HDAC5: variants seen among roughly 807,000 people sequenced by gnomAD.
The protein encoded by HDAC5 is antigen NY-CO-9.
In HDAC5, 25 loss-of-function variants were observed where a neutral mutation model predicts 133.3. The observed-to-expected ratio is 0.19, with a 90% CI of 0.14 to 0.26. HDAC5 has a LOEUF of 0.26. Ranked by LOEUF, HDAC5 falls within the 10% of genes least tolerant of loss-of-function variation. The pLI is 1.00. For missense variants in HDAC5, 1,041 were observed against 1,460.5 expected (o/e 0.71, Z 4.68); for synonymous variants, 589 against 610.8 (o/e 0.96, Z 0.53).
chr17:44,092,809 GGGGT>G lies in HDAC5; in HGVS notation c.642-7_642-4del. On this transcript the variant is annotated splice_region_variant and splice_polypyrimidine_tract_variant and intron_variant, in intron 6 of 26. Transcript: ENST00000682912. ...CCAAAGAAGCATGGTGGGCTCCCCT[GGGGT>G]GGGGGGGGGGTGGGGATGGAAGCAG... 2 of 932,072 alleles carry G rather than the reference GGGGT, an allele frequency of 2.1e-6. No individual in the cohort carries two copies. The highest frequency in any genetic ancestry group is 3.0e-6 in the Non-Finnish European group (2 of 666,940). The allele number at this position is 932,072 out of a possible 1,614,324, so 57.7% of individuals were successfully genotyped here.
At position 44,084,804 on chromosome 17, in the gene HDAC5, C is replaced by G. The variant is rs540489230; in HGVS notation, c.2185-129G>C. 448 of 1,349,704 alleles carry G rather than the reference C, an allele frequency of 3.3e-4. 3 individuals are homozygous for G. In the South Asian group the frequency reaches 5.8e-3, roughly 17 times the overall value. 83.6% of individuals were successfully genotyped at this position (1,349,704 alleles called of 1,614,324 possible). A position where few individuals can be genotyped will look rare whatever the true frequency, so the allele number is the denominator to read the frequency against. On this transcript the variant is annotated intron_variant, in intron 15 of 26. Coordinates refer to ENST00000682912, the MANE Select transcript of HDAC5 (RefSeq NM_005474.5). Reference sequence around the variant, plus strand: ...ATCCAAATATTTTCAGAAAGTAGATCCTGGCTCTGTCATGACCTTACTCCC... The same window carrying G: ...ATCCAAATATTTTCAGAAAGTAGATGCTGGCTCTGTCATGACCTTACTCCC...
chr17:44,082,617 A>T lies in HDAC5; in HGVS notation c.2575T>A (p.Leu859Met), dbSNP rs371154124. The change falls in exon 20 of 27, where the codon TTG (leucine) becomes ATG (methionine). Residue 859 changes from leucine to methionine, a missense_variant. This residue lies in a region of HDAC5 where 174 missense variants were observed against 352.7 expected (regional missense o/e 0.49). Transcript: ENST00000682912. Reference protein sequence around the residue: ...AITAKLLQQKLNVGKVLIVDW... With the variant: ...AITAKLLQQKMNVGKVLIVDW... Reference sequence around the variant, plus strand: ...ACGATGAGGACCTTGCCCACGTTCAACTTCTGCTGTAGGAGTTTTGCGGTG... The same window carrying T: ...ACGATGAGGACCTTGCCCACGTTCATCTTCTGCTGTAGGAGTTTTGCGGTG... 168 of 1,614,022 alleles carry T rather than the reference A, an allele frequency of 1.0e-4. No individual in the cohort carries two copies. Among genetic ancestry groups the T allele is most frequent in the Non-Finnish European group, 1.4e-4 (162 of 1,180,014 alleles).
intron 2 of HDAC5, among the ~76,000 whole-genome samples, chr17:44,115,459 G>C (rs1175077616): frequency 6.6e-6 from 1 of 152,208 alleles, no homozygotes; most frequent in Non-Finnish European, 1.5e-5. Flanking sequence ...GAGTTCCAAG[G>C]CATGTGGTTT....
chr17:44,082,567 C>T lies in HDAC5; in HGVS notation c.2607+18G>A. 6.2e-7 allele frequency: 1 copy of T among 1,604,268 alleles called. No homozygotes were observed. Among genetic ancestry groups the T allele is most frequent in the Non-Finnish European group, 8.5e-7 (1 of 1,171,118 alleles). On this transcript the variant is annotated intron_variant, in intron 20 of 26. Coordinates refer to ENST00000682912, the MANE Select transcript of HDAC5 (RefSeq NM_005474.5). Reference sequence around the variant, plus strand: ...AGCTCTACCCGCCCCTGCCCAGCCCCACCAGCTCACTGCCTACCCAGTCCA... The same window carrying T: ...AGCTCTACCCGCCCCTGCCCAGCCCTACCAGCTCACTGCCTACCCAGTCCA...
chr17:44,097,920 G>A (rs1047840617), intron 3 of HDAC5, among the ~76,000 whole-genome samples: 20 of 152,268 alleles, frequency 1.3e-4, no homozygotes, highest in African/African-American at 2.9e-4. Flanking sequence ...TGTTAGGCCC[G>A]GAGCTGCAGC....
At chr17:44,094,338 A>C (rs1019675750) in intron 3 of HDAC5, among the ~76,000 whole-genome samples, 7 of 150,896 alleles carry the variant, frequency 4.6e-5, no homozygotes, top group African/African-American at 1.7e-4. Context: ...AAAAAAAAAC[A>C]AAAAACAAAA....
In HDAC5 at chr17:44,079,200, A is replaced by G; in HGVS notation, c.3022T>C (p.Leu1008=). 6.2e-7 allele frequency: 1 copy of G among 1,613,132 alleles called. No individual in the cohort carries two copies. ...TCAGAGGCATCACAGATGGCGGTCA[A>G]GTCATGGCCTCCCTCCAGGGCCAGC... The part of the protein sequence containing the change: ...VVLALEGGHD[L]TAICDASEAC... The change falls in exon 24 of 27, where the codon TTG becomes CTG. Residue 1008 remains leucine, a synonymous_variant. Coordinates refer to ENST00000682912, the MANE Select transcript of HDAC5 (RefSeq NM_005474.5).
At chr17:44,095,817 G>A (rs1597979877) in intron 3 of HDAC5, among the ~76,000 whole-genome samples, 1 of 152,090 alleles carries the variant, frequency 6.6e-6, no homozygotes, top group South Asian at 2.1e-4. Context: ...GGGGAGGGCA[G>A]GAGCTTCGGC....
intron 13 of HDAC5, 146 bp from the exon 14 acceptor site, chr17:44,086,883 A>C (rs1241169925): frequency 4.4e-6 from 2 of 449,524 alleles, no homozygotes; most frequent in East Asian, 3.8e-5. Context: ...TGCTCCCTCC[A>C]GGGACAGGAG....
intron 23 of HDAC5, 114 bp downstream of exon 23, chr17:44,079,993 C>G: frequency 1.2e-6 from 1 of 801,272 alleles, no homozygotes; most frequent in South Asian, 1.5e-5. Flanking sequence ...AGTCTAGGCC[C>G]TGCCCCCTGC....
chr17:44,093,526 C>A, intron 4 of HDAC5, 41 bp from the exon 5 acceptor site: 14 of 1,598,266 alleles, frequency 8.8e-6, no homozygotes, highest in Non-Finnish European at 1.2e-5. Flanking sequence ...GAGCCAGGCC[C>A]GGGCGGGGAT....
rs454192 is a variant in HDAC5, at chr17:44,093,838, T to G, written c.95-4A>C. Reference sequence around the variant, plus strand: ...GGCAGCACCGGCTTCACCTCCACTGTGGGCAGAAGAGACAGGAAGGAGTTA... The same window carrying G: ...GGCAGCACCGGCTTCACCTCCACTGGGGGCAGAAGAGACAGGAAGGAGTTA... On this transcript the variant is annotated splice_region_variant and splice_polypyrimidine_tract_variant and intron_variant, in intron 3 of 26. Transcript: ENST00000682912. 22 of 1,487,906 alleles carry G rather than the reference T, an allele frequency of 1.5e-5. No homozygotes were observed. The highest frequency in any genetic ancestry group is 9.8e-5 in the South Asian group (7 of 71,392). 92.2% of individuals were successfully genotyped at this position (1,487,906 alleles called of 1,614,324 possible).
intron 3 of HDAC5, among the ~76,000 whole-genome samples, chr17:44,098,446 A>AT (rs1157018577): frequency 6.6e-6 from 1 of 152,186 alleles, no homozygotes; most frequent in African/African-American, 2.4e-5. Context: ...TCTTAAAAAA[A>AT]AGGGAACCTG....
chr17:44,092,755 G>T lies in HDAC5; in HGVS notation c.693C>A (p.Pro231=). ...GTTTGTAGGAGGGAGGCGTCCCAGGGGGGCCGCTCTGGGGAGGGGAACTCT... is the reference window on the plus strand; with the variant it reads ...GTTTGTAGGAGGGAGGCGTCCCAGGTGGGCCGCTCTGGGGAGGGGAACTCT... The part of the protein sequence containing the change: ...LDQSSPPQSG[P]PGTPPSYKLP... Residue 231 remains proline (P), a synonymous_variant, in exon 7 of 27, where the codon CCC becomes CCA. Coordinates refer to ENST00000682912, the MANE Select transcript of HDAC5 (RefSeq NM_005474.5). 7.0e-7 allele frequency: 1 copy of T among 1,429,006 alleles called. No individual in the cohort carries two copies. The highest frequency in any genetic ancestry group is 9.4e-7 in the Non-Finnish European group (1 of 1,063,332). The allele number at this position is 1,429,006 out of a possible 1,614,324, so 88.5% of individuals were successfully genotyped here.
In HDAC5 at chr17:44,092,819, G is replaced by C. The variant is rs553497817; in HGVS notation, c.642-13C>G. ...ATGGTGGGCTCCCCTGGGGTGGGGG[G>C]GGGGTGGGGATGGAAGCAGATCTAG... On this transcript the variant is annotated splice_polypyrimidine_tract_variant and intron_variant, in intron 6 of 26. Coordinates refer to ENST00000682912, the MANE Select transcript of HDAC5 (RefSeq NM_005474.5). 4.7e-6 allele frequency: 4 copies of C among 848,834 alleles called. No homozygotes were observed. The highest frequency in any genetic ancestry group is 2.0e-5 in the South Asian group (1 of 48,810). 52.6% of individuals were successfully genotyped at this position (848,834 alleles called of 1,614,324 possible). A position where few individuals can be genotyped will look rare whatever the true frequency, so the allele number is the denominator to read the frequency against.
Position 44,093,570 on chromosome 17 carries a change from C to G in HDAC5, c.354+5G>C, listed in dbSNP as rs1306705432. On this transcript the variant is annotated splice_donor_5th_base_variant and intron_variant, in intron 4 of 26. Transcript: ENST00000682912. ...TGGGCGGCCCCCCGCACCCCCCTCG[C>G]TCACCTTGAGGTGCTTCTGCAGCTG... 4 of 1,602,458 alleles carry G rather than the reference C, an allele frequency of 2.5e-6. No individual in the cohort carries two copies. The highest frequency in any genetic ancestry group is 3.4e-6 in the Non-Finnish European group (4 of 1,173,184).
Position 44,081,630 on chromosome 17 carries a change from G to GT in HDAC5, c.2608-749dup, listed in dbSNP as rs2050398067. ...ATCTCACTCTGTCATCGAGGCTGGA[G>GT]TGCAGTGGCATGATCTTGACTCACT... is the stretch of plus-strand genomic sequence containing the variant. On this transcript the variant is annotated intron_variant, in intron 20 of 26. Transcript: ENST00000682912. The GT allele has an allele frequency of 2.0e-5, 3 of 146,500 alleles. No individual in the cohort carries two copies. The Admixed American group carries it at 2.1e-4, about 10-fold the overall frequency. 9.1% of individuals were successfully genotyped at this position (146,500 alleles called of 1,614,324 possible).
chr17:44,091,383 C>A lies in HDAC5; in HGVS notation c.1274G>T (p.Gly425Val). The A allele has an allele frequency of 6.3e-7, 1 of 1,588,042 alleles. No individual in the cohort carries two copies. Among genetic ancestry groups the A allele is most frequent in the Admixed American group, 1.7e-5 (1 of 57,652 alleles). Residue 425 changes from glycine (G) to valine (V), a missense_variant, in exon 11 of 27, where the codon GGC becomes GTC. Gly to Val is a moderately radical substitution (Grantham distance 109, BLOSUM62 -3). Coordinates refer to ENST00000682912, the MANE Select transcript of HDAC5 (RefSeq NM_005474.5). The part of the protein sequence containing the change: ...GKFMSTSSIP[G>V]CLLGVALEGD... The stretch of plus-strand genomic sequence containing the variant: ...CTCCAGTGCCACGCCCAGCAGGCAG[C>A]CAGGAATAGAGGATGTGCTCATGAA...
intron 1 of HDAC5, among the ~76,000 whole-genome samples, chr17:44,121,995 T>G (rs1845588025): frequency 6.6e-6 from 1 of 151,892 alleles, no homozygotes. Context: ...AGATCCAAGT[T>G]CAAGTGAAGA....
Sources: allele counts gnomAD v4.1 joint callset (sites outside exome capture counted in the v4.1 genomes callset), GRCh38; gene constraint gnomAD v4.1.1; regional missense constraint gnomAD v4.1.1; transcripts MANE v1.5; gene names NCBI Gene and HGNC (gene_info 2026-07-23, HGNC 2026-07-21).